Variants in CAST observed in about 807,000 individuals in gnomAD.
CAST encodes the protein calpastatin.
Under a neutral mutation model 119.6 loss-of-function variants are expected in CAST, and 76 were observed. The observed-to-expected ratio is 0.64, with a 90% CI of 0.53 to 0.77. CAST has a LOEUF of 0.77. Ranked by LOEUF, CAST falls within the 30% of genes least tolerant of loss-of-function variation. The probability of loss-of-function intolerance (pLI) is 0.00; values close to 1 mark genes in which losing one functional copy is unlikely to be tolerated. For missense variants in CAST, 953 were observed against 946.5 expected, an observed-to-expected ratio of 1.01 and a Z score of -0.09; for synonymous variants, 319 against 331.6, an observed-to-expected ratio of 0.96 and a Z score of 0.41.
chr5:96,764,118 C>T (rs1462531022), intron 25 of CAST, among the ~76,000 whole-genome samples: 1 of 152,180 alleles, frequency 6.6e-6, no homozygotes, highest in Non-Finnish European at 1.5e-5. Flanking sequence ...AGATATTAAA[C>T]ACATTTTAAT....
chr5:96,353,116 T>C, the CAST span, among the ~76,000 whole-genome samples: 2 of 135,282 alleles, frequency 1.5e-5, no homozygotes, highest in South Asian at 4.7e-4. Flanking sequence ...CAAATACTGA[T>C]TGATAAAAAA....
Position 96,541,743 on chromosome 5 carries a change from C to A in CAST, c.60+11863C>A, listed in dbSNP as rs147598308. Among the ~76,000 whole-genome samples, 705 of 152,250 alleles carry A rather than the reference C, an allele frequency of 4.6e-3. 5 individuals are homozygous for A. The highest frequency in any genetic ancestry group is 0.016 in the African/African-American group (664 of 41,540). On this transcript the variant is annotated intron_variant, in intron 1 of 11. Coordinates refer to the CAST transcript ENST00000505143. Reference sequence around the variant, plus strand: ...GTATATAGCCATTTCAGACTGATTTCTTTCACTTAGCAATATTATTTAAGC... The same window carrying A: ...GTATATAGCCATTTCAGACTGATTTATTTCACTTAGCAATATTATTTAAGC...
At chr5:96,469,036 A>G in the CAST span, among the ~76,000 whole-genome samples, 1 of 152,132 alleles carries the variant, frequency 6.6e-6, no homozygotes, top group African/African-American at 2.4e-5. Context: ...AACACATTTA[A>G]TGGTTATAAC....
At chr5:96,065,413 G>A in the CAST span, among the ~76,000 whole-genome samples, 4 of 151,512 alleles carry the variant, frequency 2.6e-5, no homozygotes, top group Non-Finnish European at 2.9e-5. Context: ...GTGTGTGTGT[G>A]TGTGTGTGTG....
chr5:96,579,967 A>C (rs1163478924), intron 1 of CAST, among the ~76,000 whole-genome samples: 7 of 152,256 alleles, frequency 4.6e-5, no homozygotes, highest in African/African-American at 1.7e-4. Flanking sequence ...TCCTGCAAGC[A>C]GCTGGTGAGA....
At chr5:95,978,466 C>T in the CAST span, among the ~76,000 whole-genome samples, 6 of 152,054 alleles carry the variant, frequency 3.9e-5, no homozygotes, top group African/African-American at 1.4e-4. Flanking sequence ...AGTATCTGTT[C>T]ATTTCCTTTG....
chr5:96,453,071 AG>A, the CAST span, among the ~76,000 whole-genome samples: 1 of 151,964 alleles, frequency 6.6e-6, no homozygotes, highest in Admixed American at 6.5e-5. Context: ...ACAGTTAAAA[AG>A]AAAAAAAAAA....
chr5:95,964,368 C>T, the CAST span, among the ~76,000 whole-genome samples: 18 of 152,272 alleles, frequency 1.2e-4, no homozygotes, highest in African/African-American at 3.4e-4. Context: ...ATTAAATAAT[C>T]ATTGAATACC....
At chr5:96,339,695 A>G in the CAST span, among the ~76,000 whole-genome samples, 1,449 of 152,314 alleles carry the variant, frequency 9.5e-3, 32 homozygotes, top group African/African-American at 0.034. Flanking sequence ...ATGCAAGTGT[A>G]TCCATACCAG....
the CAST span, among the ~76,000 whole-genome samples, chr5:96,238,163 CT>C: frequency 6.2e-4 from 95 of 152,106 alleles, no homozygotes; most frequent in East Asian, 2.9e-3. Flanking sequence ...TTGAGACATT[CT>C]TTTAGGTTGT....
At chr5:96,297,126 A>AT in the CAST span, among the ~76,000 whole-genome samples, 1 of 152,184 alleles carries the variant, frequency 6.6e-6, no homozygotes, top group Non-Finnish European at 1.5e-5. Flanking sequence ...TTTTTTACAT[A>AT]TTTAGACAGC....
chr5:96,464,595 CCAAA>C, the CAST span, among the ~76,000 whole-genome samples: 1 of 151,992 alleles, frequency 6.6e-6, no homozygotes, highest in Non-Finnish European at 1.5e-5. Flanking sequence ...CATTTGCAGC[CCAAA>C]CATTTAATAC....
At chr5:96,241,046 C>A in the CAST span, among the ~76,000 whole-genome samples, 4 of 151,780 alleles carry the variant, frequency 2.6e-5, no homozygotes, top group Admixed American at 2.0e-4. Context: ...TAAAATTTAT[C>A]TGGAAGAATT....
the CAST span, among the ~76,000 whole-genome samples, chr5:96,498,236 C>G: frequency 6.6e-6 from 1 of 152,174 alleles, no homozygotes; most frequent in Non-Finnish European, 1.5e-5. Context: ...TGTTTTGGTA[C>G]CAGTACCATG....
At chr5:96,240,936 C>T in the CAST span, among the ~76,000 whole-genome samples, 3 of 151,980 alleles carry the variant, frequency 2.0e-5, no homozygotes, top group Non-Finnish European at 4.4e-5. Context: ...ATATTGAATA[C>T]TATACAGCTA....
At chr5:96,534,144 T>C (rs949677949) in intron 1 of CAST, among the ~76,000 whole-genome samples, 2 of 152,228 alleles carry the variant, frequency 1.3e-5, no homozygotes, top group Non-Finnish European at 2.9e-5. Flanking sequence ...TAGTAACAAA[T>C]GTTATCTTTT....
At chr5:96,371,727 G>A in the CAST span, among the ~76,000 whole-genome samples, 1 of 152,064 alleles carries the variant, frequency 6.6e-6, no homozygotes, top group African/African-American at 2.4e-5. Flanking sequence ...GTATGAAAAA[G>A]GAATTTTGAT....
upstream of CAST, chr5:96,662,261 C>T (rs1057211061): frequency 1.7e-5 from 15 of 884,622 alleles, no homozygotes; most frequent in South Asian, 1.6e-4. Context: ...AGGGGAACCC[C>T]GGCGCAGACC....
At chr5:96,406,696 C>T in the CAST span, among the ~76,000 whole-genome samples, 1 of 152,236 alleles carries the variant, frequency 6.6e-6, no homozygotes, top group Admixed American at 6.5e-5. Flanking sequence ...TTTTTCCTTT[C>T]TGTTATTACG....
Sources: gnomAD v4.1 joint callset for allele counts (sites outside exome capture counted in the v4.1 genomes callset) on GRCh38, gnomAD v4.1.1 for gene constraint, MANE v1.5 for transcripts, NCBI Gene and HGNC (gene_info 2026-07-23, HGNC 2026-07-21) for gene names.